LMBR1: variants seen among roughly 807,000 people sequenced by gnomAD.
The protein encoded by LMBR1 is limb development membrane protein 1, also known as limb region 1 protein homolog.
LMBR1 carries 52 observed loss-of-function variants against 73.9 expected under a neutral mutation model. The ratio of observed to expected loss-of-function variants is 0.70; its 90% confidence interval spans 0.56 to 0.89. The LOEUF (loss-of-function observed/expected upper bound fraction) is 0.89, where lower values mean the gene tolerates loss of function less well. LMBR1 is among the 40% of genes least tolerant of loss of function. The probability of loss-of-function intolerance (pLI) is 0.00; values close to 1 mark genes in which losing one functional copy is unlikely to be tolerated. For missense variants in LMBR1, 539 were observed against 579.8 expected (o/e 0.93, Z 0.72); for synonymous variants, 215 against 209.4 (o/e 1.03, Z -0.23).
intron 5 of LMBR1, among the ~76,000 whole-genome samples, chr7:156,775,316 C>T (rs369378212): frequency 2.6e-4 from 39 of 152,010 alleles, no homozygotes; most frequent in African/African-American, 9.2e-4. Context: ...TGCAGTGAGC[C>T]GAGGTCAAGC....
chr7:156,891,267 CATACACATATATATACACATATATAT>C (rs1802935862), intron 1 of LMBR1, among the ~76,000 whole-genome samples: 1 of 126,184 alleles, frequency 7.9e-6, no homozygotes, highest in African/African-American at 3.0e-5. Context: ...CACATATATA[CATACACATATATATACACATATATAT>C]ATTCATAGCC....
At chr7:156,733,918 G>A (rs149491208) in intron 10 of LMBR1, 526 of 276,922 alleles carry the variant, frequency 1.9e-3, no homozygotes, top group African/African-American at 0.011. Context: ...AATAATGCAA[G>A]TGAGAAGGCA....
intron 1 of LMBR1, among the ~76,000 whole-genome samples, chr7:156,883,324 G>A (rs933901185): frequency 2.0e-5 from 3 of 152,018 alleles, no homozygotes; most frequent in Non-Finnish European, 2.9e-5. Flanking sequence ...GCTTGAACTC[G>A]GGAGGCGGAG....
At chr7:156,797,096 T>C (rs1830174064) in intron 4 of LMBR1, among the ~76,000 whole-genome samples, 1 of 152,200 alleles carries the variant, frequency 6.6e-6, no homozygotes, top group African/African-American at 2.4e-5. Context: ...GTGGCAGAGC[T>C]GACTTAATTC....
chr7:156,712,082 T>C (rs1812184182), intron 15 of LMBR1, among the ~76,000 whole-genome samples: 1 of 152,106 alleles, frequency 6.6e-6, no homozygotes, highest in African/African-American at 2.4e-5. Context: ...GGAGAAAAAG[T>C]TTGCAAATGA....
At chr7:156,770,861 C>A (rs796365622) in intron 5 of LMBR1, among the ~76,000 whole-genome samples, 19 of 152,224 alleles carry the variant, frequency 1.2e-4, no homozygotes, top group African/African-American at 4.6e-4. Flanking sequence ...TTACAGTGAG[C>A]TATGATCGCG....
intron 5 of LMBR1, among the ~76,000 whole-genome samples, chr7:156,785,726 G>A (rs1369770565): frequency 6.6e-6 from 1 of 152,152 alleles, no homozygotes; most frequent in African/African-American, 2.4e-5. Flanking sequence ...AATCTTCCCA[G>A]AGGTGGAAAC....
chr7:156,673,828 C>T (rs187496430), downstream of LMBR1, among the ~76,000 whole-genome samples: 180 of 152,010 alleles, frequency 1.2e-3, no homozygotes, highest in Non-Finnish European at 2.1e-3. Context: ...TGGAAGAGAA[C>T]TCCATGTCCT....
At chr7:156,849,694 C>T (rs1795982442) in intron 1 of LMBR1, among the ~76,000 whole-genome samples, 1 of 152,158 alleles carries the variant, frequency 6.6e-6, no homozygotes, top group African/African-American at 2.4e-5. Context: ...AAGGAATGAA[C>T]AGGCAGAGCT....
chr7:156,876,265 G>C (rs188052919), intron 1 of LMBR1, among the ~76,000 whole-genome samples: 16 of 152,158 alleles, frequency 1.1e-4, no homozygotes, highest in Admixed American at 6.5e-4. Context: ...CAAAAGGAAA[G>C]TATCACAATC....
intron 5 of LMBR1, among the ~76,000 whole-genome samples, chr7:156,773,544 C>T (rs12154898): frequency 0.19 from 28,484 of 151,918 alleles, 2,781 homozygotes; most frequent in South Asian, 0.21. Flanking sequence ...GAAATAAAGC[C>T]ACACACCTAC....
At chr7:156,746,266 C>T (rs1369514406) in intron 9 of LMBR1, among the ~76,000 whole-genome samples, 1 of 152,174 alleles carries the variant, frequency 6.6e-6, no homozygotes, top group African/African-American at 2.4e-5. Context: ...AAACTACATT[C>T]ATTCCCCATT....
At chr7:156,687,583 T>C (rs940990627) in intron 16 of LMBR1, among the ~76,000 whole-genome samples, 5 of 152,224 alleles carry the variant, frequency 3.3e-5, no homozygotes, top group African/African-American at 1.2e-4. Context: ...TTGAATTTAT[T>C]CTCTGGCTTA....
intron 4 of LMBR1, among the ~76,000 whole-genome samples, chr7:156,804,053 A>T (rs1190176274): frequency 1.3e-5 from 2 of 151,634 alleles, no homozygotes; most frequent in Non-Finnish European, 2.9e-5. Context: ...AAATGAGGAG[A>T]TGATGGGTGC....
chr7:156,762,846 A>AGAGTGTGTGTGT (rs371734470), intron 7 of LMBR1, among the ~76,000 whole-genome samples: 5 of 148,520 alleles, frequency 3.4e-5, no homozygotes, highest in South Asian at 2.2e-4. Flanking sequence ...TGTGAGTGTG[A>AGAGTGTGTGTGT]GTGTGTGTGT....
At chr7:156,867,393 C>G (rs185379900) in intron 1 of LMBR1, among the ~76,000 whole-genome samples, 1 of 152,180 alleles carries the variant, frequency 6.6e-6, no homozygotes, top group Admixed American at 6.5e-5. Flanking sequence ...TACTTTATGA[C>G]GCAGCATGTC....
At chr7:156,672,486 C>T (rs1159519403) in intron 4 of LMBR1, among the ~76,000 whole-genome samples, 1 of 152,162 alleles carries the variant, frequency 6.6e-6, no homozygotes, top group Non-Finnish European at 1.5e-5. Context: ...AGTCACCCAA[C>T]ACAGTTGTTC....
chr7:156,788,858 G>A (rs1014971565), intron 5 of LMBR1, among the ~76,000 whole-genome samples: 1 of 152,098 alleles, frequency 6.6e-6, no homozygotes, highest in African/African-American at 2.4e-5. Flanking sequence ...GGGCAGCTTG[G>A]CCAACATGGT....
intron 3 of LMBR1, among the ~76,000 whole-genome samples, chr7:156,829,549 T>C (rs1563472793): frequency 8.1e-6 from 1 of 122,724 alleles, no homozygotes; most frequent in Non-Finnish European, 1.7e-5. Flanking sequence ...GGCAGTGTCA[T>C]GCTTGTACAT....
Sources: gnomAD v4.1 joint callset for allele counts (sites outside exome capture counted in the v4.1 genomes callset) on GRCh38, gnomAD v4.1.1 for gene constraint, MANE v1.5 for transcripts, NCBI Gene and HGNC (gene_info 2026-07-23, HGNC 2026-07-21) for gene names.